The following CCDC178 variants were observed in gnomAD, a reference collection of about 807,000 sequenced individuals.
CCDC178 encodes the protein coiled-coil domain-containing protein 178.
Under a neutral mutation model 117.4 loss-of-function variants are expected in CCDC178, and 126 were observed. The ratio of observed to expected loss-of-function variants is 1.07; its 90% confidence interval spans 0.93 to 1.24. The LOEUF (loss-of-function observed/expected upper bound fraction) is 1.24. Among genes scored for constraint, CCDC178 ranks in the 50% most tolerant of loss-of-function variants. CCDC178 has a pLI of 0.00. For synonymous variants in CCDC178, 283 were observed against 313.4 expected (o/e 0.90, Z 1.02); for missense variants, 1,030 against 986.9 (o/e 1.04, Z -0.59).
chr18:33,298,120 A>G lies in CCDC178; in HGVS notation c.1023-4808T>C, dbSNP rs866142711. Among the ~76,000 whole-genome samples, 3 of 152,156 alleles carry G rather than the reference A, an allele frequency of 2.0e-5. No homozygotes were observed. In the South Asian group the frequency reaches 6.2e-4, roughly 32 times the overall value. ...AAATGAAAGGAACTCTCCCTAACTC[A>G]TTCCACAAGACCGCTGTAACCTTGA... On this transcript the variant is annotated intron_variant, in intron 11 of 22. Transcript: ENST00000383096.
intron 6 of CCDC178, among the ~76,000 whole-genome samples, chr18:33,361,693 T>C (rs907177131): frequency 1.3e-5 from 2 of 151,730 alleles, no homozygotes; most frequent in African/African-American, 4.8e-5. Context: ...AAAACAGGTA[T>C]GCAAAAAGGT....
At chr18:33,024,006 C>T (rs1461524536) in intron 21 of CCDC178, among the ~76,000 whole-genome samples, 1 of 152,038 alleles carries the variant, frequency 6.6e-6, no homozygotes, top group African/African-American at 2.4e-5. Flanking sequence ...TGAAATTAAC[C>T]GTTCCTCAAA....
rs542689720 is a variant in CCDC178 at position 33,267,396 on chromosome 18, A to C, written c.1177-99T>G. The C allele has an allele frequency of 3.9e-3, 2,615 of 669,796 alleles. 9 individuals are homozygous for C. Among genetic ancestry groups the C allele is most frequent in the Non-Finnish European group, 4.8e-3 (2,022 of 417,472 alleles). 41.5% of individuals were successfully genotyped at this position (669,796 alleles called of 1,614,324 possible). On this transcript the variant is annotated intron_variant, in intron 12 of 22. Transcript: ENST00000383096. ...ATCATGATAAAGTAGAATTTGTTTC[A>C]GTTACATAAAAATTGAAAAACAATA...
intron 20 of CCDC178, among the ~76,000 whole-genome samples, chr18:33,099,935 G>C (rs1000114344): frequency 2.0e-5 from 3 of 151,958 alleles, no homozygotes; most frequent in Admixed American, 2.0e-4. Flanking sequence ...TCAATCCTCT[G>C]CATCAAGGTT....
At chr18:33,274,491 G>T (rs531325442) in intron 12 of CCDC178, among the ~76,000 whole-genome samples, 7 of 151,752 alleles carry the variant, frequency 4.6e-5, no homozygotes, top group African/African-American at 1.7e-4. Context: ...CAAAAAAAGT[G>T]GAAACAGCCA....
intron 11 of CCDC178, among the ~76,000 whole-genome samples, chr18:33,305,851 G>C (rs1427774715): frequency 6.6e-6 from 1 of 152,054 alleles, no homozygotes; most frequent in African/African-American, 2.4e-5. Context: ...ATCATTTTTG[G>C]GGGATTGGAG....
At chr18:33,419,963 A>G (rs2064001802) in intron 2 of CCDC178, among the ~76,000 whole-genome samples, 1 of 152,104 alleles carries the variant, frequency 6.6e-6, no homozygotes, top group Non-Finnish European at 1.5e-5. Flanking sequence ...CCAAAAAAAT[A>G]AAGTATTCTA....
At chr18:33,172,219 T>C (rs1426312664) in intron 20 of CCDC178, among the ~76,000 whole-genome samples, 1 of 152,158 alleles carries the variant, frequency 6.6e-6, no homozygotes, top group Non-Finnish European at 1.5e-5. Flanking sequence ...CAAAAGACCA[T>C]TTTAAAATAC....
chr18:33,008,734 A>T (rs1225984733), intron 21 of CCDC178, among the ~76,000 whole-genome samples: 2 of 152,042 alleles, frequency 1.3e-5, no homozygotes, highest in African/African-American at 2.4e-5. Flanking sequence ...CTGTTAAAAA[A>T]ATTCTCTTAT....
At chr18:33,066,692 A>G (rs1284280446) in intron 21 of CCDC178, among the ~76,000 whole-genome samples, 1 of 152,228 alleles carries the variant, frequency 6.6e-6, no homozygotes, top group Non-Finnish European at 1.5e-5. Context: ...GAAGTGAAGC[A>G]GGAGTCGCTA....
At chr18:33,078,672 C>G (rs1598858977) in intron 21 of CCDC178, among the ~76,000 whole-genome samples, 1 of 152,156 alleles carries the variant, frequency 6.6e-6, no homozygotes, top group East Asian at 1.9e-4. Context: ...GAACACAATC[C>G]CATTCACAAT....
At chr18:33,306,448 G>GTGTT (rs2062251086) in intron 11 of CCDC178, among the ~76,000 whole-genome samples, 1 of 139,998 alleles carries the variant, frequency 7.1e-6, no homozygotes, top group South Asian at 2.3e-4. Context: ...GTGTGTGTGT[G>GTGTT]TACATATGGT....
intron 21 of CCDC178, among the ~76,000 whole-genome samples, chr18:33,078,706 T>A (rs1403404468): frequency 6.6e-6 from 1 of 152,074 alleles, no homozygotes. Flanking sequence ...AAAAAATGCC[T>A]AGGAATGCAG....
chr18:33,328,912 T>G (rs984765875), intron 10 of CCDC178, among the ~76,000 whole-genome samples: 1 of 152,184 alleles, frequency 6.6e-6, no homozygotes, highest in Non-Finnish European at 1.5e-5. Flanking sequence ...TTTAACAATA[T>G]TGAGTCTTCC....
intron 15 of CCDC178, among the ~76,000 whole-genome samples, chr18:33,230,919 A>T (rs1450788369): frequency 2.0e-5 from 3 of 152,252 alleles, no homozygotes; most frequent in African/African-American, 7.2e-5. Flanking sequence ...TCAAATTGCC[A>T]ATTCATTGTA....
chr18:33,158,874 C>G (rs2058431519), intron 20 of CCDC178, among the ~76,000 whole-genome samples: 1 of 151,930 alleles, frequency 6.6e-6, no homozygotes, highest in Admixed American at 6.6e-5. Context: ...TTATGGAAGA[C>G]CCAGGCTTAC....
chr18:33,261,122 C>T (rs542927575), intron 14 of CCDC178, among the ~76,000 whole-genome samples: 9 of 152,066 alleles, frequency 5.9e-5, no homozygotes, highest in East Asian at 1.9e-4. Flanking sequence ...CTCGCTCTGT[C>T]GCCCAGGCTG....
intron 5 of CCDC178, among the ~76,000 whole-genome samples, chr18:33,387,794 G>A (rs538474118): frequency 2.0e-4 from 31 of 152,224 alleles, no homozygotes; most frequent in Non-Finnish European, 3.2e-4. Flanking sequence ...TCAGGACATA[G>A]GCATGGAGAA....
chr18:33,179,633 C>T (rs972040703), intron 20 of CCDC178, among the ~76,000 whole-genome samples: 9 of 151,950 alleles, frequency 5.9e-5, no homozygotes, highest in Non-Finnish European at 1.2e-4. Context: ...AGTGTCTCTT[C>T]CCCCAAAAGT....
Sources: allele counts gnomAD v4.1 joint callset (sites outside exome capture counted in the v4.1 genomes callset), GRCh38; gene constraint gnomAD v4.1.1; transcripts MANE v1.5; gene names NCBI Gene and HGNC (gene_info 2026-07-23, HGNC 2026-07-21).